Variants in BRINP2 observed in about 807,000 individuals in gnomAD.
BRINP2 encodes the protein BMP/retinoic acid-inducible neural-specific protein 2.
Under a neutral mutation model 69.2 loss-of-function variants are expected in BRINP2, and 21 were observed. The ratio of observed to expected loss-of-function variants is 0.30; its 90% CI spans 0.22 to 0.44. BRINP2 has a LOEUF of 0.44. BRINP2 is among the 20% of genes least tolerant of loss of function. The pLI is 1.00. For missense variants in BRINP2, 877 were observed against 986.0 expected (o/e 0.89, Z 1.48); for synonymous variants, 380 against 394.1 (o/e 0.96, Z 0.42).
At chr1:177,279,022 G>A (rs1156399074) in intron 7 of BRINP2, among the ~76,000 whole-genome samples, 2 of 152,164 alleles carry the variant, frequency 1.3e-5, no homozygotes, top group Non-Finnish European at 2.9e-5. Flanking sequence ...TGATTCAAAT[G>A]TTATTCTAGT....
intron 1 of BRINP2, among the ~76,000 whole-genome samples, chr1:177,177,238 G>A (rs531202822): frequency 3.3e-5 from 5 of 151,896 alleles, no homozygotes; most frequent in African/African-American, 7.2e-5. Context: ...CCAAGATTGC[G>A]CCACTGCACT....
At chr1:177,184,547 T>G (rs1648370438) in intron 1 of BRINP2, among the ~76,000 whole-genome samples, 1 of 152,194 alleles carries the variant, frequency 6.6e-6, no homozygotes, top group East Asian at 1.9e-4. Context: ...CTAAGATGAC[T>G]GCAGCCAAGG....
chr1:177,214,037 T>TG (rs532496138), intron 1 of BRINP2, among the ~76,000 whole-genome samples: 4 of 152,112 alleles, frequency 2.6e-5, no homozygotes, highest in African/African-American at 4.8e-5. Context: ...AGTTCTTCTA[T>TG]GGGGGGGCTC....
chr1:177,182,954 TTTTTCTTTTTTTTTC>T (rs1239864771), intron 1 of BRINP2, among the ~76,000 whole-genome samples: 2 of 151,944 alleles, frequency 1.3e-5, no homozygotes, highest in African/African-American at 2.4e-5. Context: ...GTTGTTGTTG[TTTTTCTTTTTTTTTC>T]TTTTCTTTTT....
chr1:177,280,871 C>T lies in BRINP2; in HGVS notation c.1695C>T (p.His565=), dbSNP rs1489960782. The part of the protein sequence containing the change: ...KSNKYKPGLV[H]VMLALSLQIC... ...ACAAGTACAAGCCTGGGCTGGTGCA[C>T]GTGATGTTGGCCTTGTCCTTGCAGA... Residue 565 remains histidine, a synonymous_variant, in exon 8 of 8, where the codon CAC becomes CAT. Coordinates refer to ENST00000361539, the MANE Select transcript of BRINP2 (RefSeq NM_021165.4). The T allele has an allele frequency of 2.4e-5, 38 of 1,613,994 alleles. No homozygotes were observed. The highest frequency in any genetic ancestry group is 4.5e-5 in the East Asian group (2 of 44,888).
At chr1:177,219,879 C>T (rs1468143419) in intron 1 of BRINP2, among the ~76,000 whole-genome samples, 2 of 152,222 alleles carry the variant, frequency 1.3e-5, no homozygotes, top group African/African-American at 4.8e-5. Flanking sequence ...TATACAGAGA[C>T]TCAGCTGGGA....
At chr1:177,214,484 A>T (rs1649319916) in intron 1 of BRINP2, among the ~76,000 whole-genome samples, 1 of 152,230 alleles carries the variant, frequency 6.6e-6, no homozygotes, top group South Asian at 2.1e-4. Flanking sequence ...AAAATTGGAA[A>T]CAACATAGCA....
chr1:177,257,521 C>G, intron 4 of BRINP2, 137 bp downstream of exon 4: 1 of 851,162 alleles, frequency 1.2e-6, no homozygotes, highest in Non-Finnish European at 1.8e-6. Flanking sequence ...GAAGACACAG[C>G]CAGCCTTCAG....
At position 177,281,337 on chromosome 1, in the gene BRINP2, A is replaced by G; in HGVS notation, c.2161A>G (p.Ile721Val). The change falls in exon 8 of 8, where the codon ATT becomes GTT. Residue 721 changes from isoleucine to valine, a missense_variant. Ile to Val is a conservative substitution (Grantham distance 29). This residue lies in a region of BRINP2 where 225 missense variants were observed against 218.7 expected (regional missense o/e 1.03). Transcript: ENST00000361539. ...CCAGGACTCTGCACTCTTGCAGCTC[A>G]TTGAGCTCAGGGACCGGGTGAACCA... ...GSQDSALLQL[I>V]ELRDRVNQLS... is the part of the protein sequence containing the mutation. The G allele has an allele frequency of 6.2e-7, 1 of 1,613,870 alleles. No individual in the cohort carries two copies. The highest frequency in any genetic ancestry group is 8.5e-7 in the Non-Finnish European group (1 of 1,179,784).
At position 177,213,559 on chromosome 1, in the gene BRINP2, A is replaced by G. The variant is rs201677954; in HGVS notation, c.-76-16242A>G. On this transcript the variant is annotated intron_variant, in intron 1 of 7. Coordinates refer to ENST00000361539, the MANE Select transcript of BRINP2 (RefSeq NM_021165.4). ...TAAAGTTACTTTATACTATTTTCTA[A>G]AGAATTGACTGAAAACCACTGATGC... Among the ~76,000 whole-genome samples the G allele has an allele frequency of 2.0e-5, 3 of 152,232 alleles. No homozygotes were observed. In the East Asian group the frequency reaches 5.8e-4, roughly 29 times the overall value.
At chr1:177,204,358 G>T (rs1487693599) in intron 1 of BRINP2, among the ~76,000 whole-genome samples, 1 of 152,086 alleles carries the variant, frequency 6.6e-6, no homozygotes, top group Non-Finnish European at 1.5e-5. Flanking sequence ...ATGGATGGAG[G>T]TGAGGTCACC....
intron 1 of BRINP2, among the ~76,000 whole-genome samples, chr1:177,190,344 T>C (rs1314266225): frequency 6.6e-6 from 1 of 152,228 alleles, no homozygotes; most frequent in Non-Finnish European, 1.5e-5. Flanking sequence ...CTTTCAAGAC[T>C]ATTTACCCAT....
intron 1 of BRINP2, among the ~76,000 whole-genome samples, chr1:177,210,296 A>G (rs17380506): frequency 0.046 from 6,980 of 152,288 alleles, 217 homozygotes; most frequent in Non-Finnish European, 0.066. Context: ...AGAGACAGCC[A>G]TGGTTCAAGA....
At chr1:177,260,210 A>G (rs984847840) in intron 4 of BRINP2, among the ~76,000 whole-genome samples, 7 of 152,178 alleles carry the variant, frequency 4.6e-5, no homozygotes, top group African/African-American at 1.7e-4. Context: ...GTAATTGTAT[A>G]TGTAGTGGAA....
intron 1 of BRINP2, among the ~76,000 whole-genome samples, chr1:177,200,324 A>AAAAAAAAAAAAAAAAAAAAAT (rs1648872467): frequency 7.0e-6 from 1 of 143,822 alleles, no homozygotes; most frequent in African/African-American, 2.7e-5. Flanking sequence ...AAAAAAAAAG[A>AAAAAAAAAAAAAAAAAAAAAT]ATGCATTAAT....
At chr1:177,263,570 G>C (rs1304808943) in intron 4 of BRINP2, among the ~76,000 whole-genome samples, 1 of 152,170 alleles carries the variant, frequency 6.6e-6, no homozygotes, top group African/African-American at 2.4e-5. Context: ...ATCGTGGTTA[G>C]AACCGAAAGG....
intron 2 of BRINP2, among the ~76,000 whole-genome samples, chr1:177,235,045 C>T (rs1482923021): frequency 1.3e-5 from 2 of 152,140 alleles, no homozygotes; most frequent in Non-Finnish European, 2.9e-5. Context: ...AGTGCTCACC[C>T]AATTTTTGGC....
At chr1:177,205,408 T>C (rs1649043768) in intron 1 of BRINP2, among the ~76,000 whole-genome samples, 1 of 152,210 alleles carries the variant, frequency 6.6e-6, no homozygotes, top group African/African-American at 2.4e-5. Flanking sequence ...TGTCCCAAAG[T>C]GCTGGGATTA....
rs150477024 is a variant in BRINP2, at chr1:177,215,041, G to T, written c.-76-14760G>T. 1.5e-3 allele frequency among the ~76,000 whole-genome samples: 231 copies of T among 152,180 alleles called. 1 individual carries two copies. Among genetic ancestry groups the T allele is most frequent in the East Asian group, 5.4e-3 (28 of 5,172 alleles). Reference sequence around the variant, plus strand: ...CTTCTATCTGAGGCTTTGTACACTTGGACTATCATCTCCCCAGTCTCCCCA... The same window carrying T: ...CTTCTATCTGAGGCTTTGTACACTTTGACTATCATCTCCCCAGTCTCCCCA... On this transcript the variant is annotated intron_variant, in intron 1 of 7. Coordinates refer to ENST00000361539, the MANE Select transcript of BRINP2 (RefSeq NM_021165.4).
Sources: allele counts gnomAD v4.1 joint callset (sites outside exome capture counted in the v4.1 genomes callset), GRCh38; gene constraint gnomAD v4.1.1; regional missense constraint gnomAD v4.1.1; transcripts MANE v1.5; gene names NCBI Gene and HGNC (gene_info 2026-07-23, HGNC 2026-07-21).